The following GRIN2B variants were observed in gnomAD, a reference collection of about 807,000 sequenced individuals.
GRIN2B encodes glutamate receptor ionotropic, NMDA 2B.
GRIN2B carries 5 observed loss-of-function variants against 114.5 expected under a neutral mutation model. The ratio of observed to expected loss-of-function variants is 0.04; its 90% CI spans 0.02 to 0.09. The LOEUF (loss-of-function observed/expected upper bound fraction) is 0.09, where lower values mean the gene tolerates loss of function less well. GRIN2B is among the 10% of genes least tolerant of loss of function. GRIN2B has a pLI of 1.00. For missense variants in GRIN2B, 1,108 were observed against 1,943.5 expected (o/e 0.57, Z 8.08); for synonymous variants, 787 against 745.1 (o/e 1.06, Z -0.92).
intron 5 of GRIN2B, among the ~76,000 whole-genome samples, chr12:13,652,859 C>T (rs1949828448): frequency 6.6e-6 from 1 of 152,112 alleles, no homozygotes; most frequent in Non-Finnish European, 1.5e-5. Flanking sequence ...ACTTCCTTTC[C>T]AACTATCCTT....
rs1159259462 is a variant in GRIN2B, at chr12:13,797,729, T to C, written c.412-43814A>G. Among the ~76,000 whole-genome samples the C allele has an allele frequency of 2.0e-5, 3 of 152,198 alleles. 1 individual carries two copies. The highest frequency in any genetic ancestry group is 2.0e-4 in the Admixed American group (3 of 15,276). ...AGGTGGAGGTAATATTCTTGTTTGA[T>C]GGACTTAAAACTCTATAAACAGACT... is the stretch of plus-strand genomic sequence containing the variant. On this transcript the variant is annotated intron_variant, in intron 3 of 13. Coordinates refer to ENST00000609686, the MANE Select transcript of GRIN2B (RefSeq NM_000834.5).
chr12:13,802,673 T>A (rs1038155917), intron 3 of GRIN2B, among the ~76,000 whole-genome samples: 1 of 152,150 alleles, frequency 6.6e-6, no homozygotes, highest in African/African-American at 2.4e-5. Flanking sequence ...TGAATACAAA[T>A]AAATTTAAAT....
intron 5 of GRIN2B, among the ~76,000 whole-genome samples, chr12:13,628,764 TA>T (rs1949593861): frequency 6.6e-6 from 1 of 152,206 alleles, no homozygotes; most frequent in East Asian, 1.9e-4. Flanking sequence ...ACATATTGCA[TA>T]AGTATAATGA....
intron 10 of GRIN2B, among the ~76,000 whole-genome samples, chr12:13,589,020 A>G (rs1397716501): frequency 2.0e-5 from 3 of 152,312 alleles, no homozygotes; most frequent in Admixed American, 1.3e-4. Flanking sequence ...CATATCTCCA[A>G]CGTCTCACAA....
At chr12:13,865,285 T>C (rs931847180) in intron 3 of GRIN2B, among the ~76,000 whole-genome samples, 9 of 152,172 alleles carry the variant, frequency 5.9e-5, no homozygotes, top group African/African-American at 1.9e-4. Flanking sequence ...CAAAAACCTT[T>C]TCAAAACTAT....
At position 13,798,995 on chromosome 12, in the gene GRIN2B, T is replaced by C. The variant is rs555800541; in HGVS notation, c.412-45080A>G. Among the ~76,000 whole-genome samples, 10 of 152,308 alleles carry C rather than the reference T, an allele frequency of 6.6e-5. No homozygotes were observed. In the South Asian group the frequency reaches 2.1e-3, roughly 32 times the overall value. ...TTGAATGAATTAATTAATGTTAGTGTTTGACATTTGTTAAATCCAAGAAAA... is the reference window on the plus strand; with the variant it reads ...TTGAATGAATTAATTAATGTTAGTGCTTGACATTTGTTAAATCCAAGAAAA... On this transcript the variant is annotated intron_variant, in intron 3 of 13. Transcript: ENST00000609686.
intron 4 of GRIN2B, among the ~76,000 whole-genome samples, chr12:13,686,285 G>C (rs1950173847): frequency 6.6e-6 from 1 of 152,106 alleles, no homozygotes; most frequent in South Asian, 2.1e-4. Flanking sequence ...AGAATTTCAA[G>C]CAAGATGAGG....
intron 3 of GRIN2B, among the ~76,000 whole-genome samples, chr12:13,822,683 C>A (rs956829336): frequency 1.3e-5 from 2 of 152,050 alleles, no homozygotes; most frequent in Non-Finnish European, 2.9e-5. Flanking sequence ...TCAGGACAAA[C>A]AAGAAACTTT....
Position 13,566,989 on chromosome 12 carries a change from C to T in GRIN2B, c.2598+36G>A, listed in dbSNP as rs533249958. ...TGCACAGTGCTAGGCTAAGCTGTCC[C>T]TAACAAGCTTTAGGCATTTAAATCA... On this transcript the variant is annotated intron_variant, in intron 13 of 13. Coordinates refer to ENST00000609686, the MANE Select transcript of GRIN2B (RefSeq NM_000834.5). 2.5e-5 allele frequency: 35 copies of T among 1,425,310 alleles called. No individual in the cohort carries two copies. In the East Asian group the frequency reaches 7.3e-4, roughly 30 times the overall value. 88.3% of individuals were successfully genotyped at this position (1,425,310 alleles called of 1,614,324 possible).
At chr12:13,723,426 T>C (rs560811895) in intron 4 of GRIN2B, among the ~76,000 whole-genome samples, 332 of 151,620 alleles carry the variant, frequency 2.2e-3, no homozygotes, top group Non-Finnish European at 4.0e-3. Flanking sequence ...ATCAATTTTC[T>C]CTCCTTCCCT....
intron 5 of GRIN2B, among the ~76,000 whole-genome samples, chr12:13,638,568 G>T (rs1416557260): frequency 1.3e-5 from 2 of 152,054 alleles, no homozygotes; most frequent in Non-Finnish European, 2.9e-5. Context: ...TTTCCATCTG[G>T]TACTCAAAAC....
intron 3 of GRIN2B, among the ~76,000 whole-genome samples, chr12:13,760,087 A>T (rs1157882517): frequency 6.6e-6 from 1 of 152,056 alleles, no homozygotes; most frequent in East Asian, 1.9e-4. Context: ...GCCTGTCCTC[A>T]CTTTTCATAG....
chr12:13,708,350 T>A (rs1040507130), intron 4 of GRIN2B, among the ~76,000 whole-genome samples: 1 of 152,064 alleles, frequency 6.6e-6, no homozygotes, highest in Non-Finnish European at 1.5e-5. Context: ...CCTGAGAGAT[T>A]AAGAAAAGTC....
In GRIN2B at chr12:13,563,886, C is replaced by A. The variant is rs2136404881; in HGVS notation, c.3352G>T (p.Asp1118Tyr). ...AYRRRPPRSPDHKRYFRDKEG... is the reference protein window; with the variant it reads ...AYRRRPPRSPYHKRYFRDKEG... ...TTGTCCCTGAAGTAGCGCTTGTGGT[C>A]AGGGGAGCGGGGCGGTCGGCGACGG... The change falls in exon 14 of 14, where the codon GAC becomes TAC. Residue 1118 changes from aspartate (D) to tyrosine (Y), a missense_variant. This residue lies in a region of GRIN2B where 478 missense variants were observed against 506.0 expected (regional missense o/e 0.94). Transcript: ENST00000609686. 1 of 1,614,124 alleles carries A rather than the reference C, an allele frequency of 6.2e-7. No individual in the cohort carries two copies. Among genetic ancestry groups the A allele is most frequent in the Non-Finnish European group, 8.5e-7 (1 of 1,180,032 alleles).
At chr12:13,806,585 A>C (rs746161801) in intron 3 of GRIN2B, among the ~76,000 whole-genome samples, 38 of 152,026 alleles carry the variant, frequency 2.5e-4, no homozygotes, top group Admixed American at 5.2e-4. Context: ...TTTTCTTGCT[A>C]TTGAGTTTCT....
intron 4 of GRIN2B, among the ~76,000 whole-genome samples, chr12:13,677,738 C>T (rs936144743): frequency 1.3e-5 from 2 of 152,004 alleles, no homozygotes; most frequent in Admixed American, 6.6e-5. Context: ...TTACTTAAAG[C>T]TGAAACCTCC....
intron 3 of GRIN2B, among the ~76,000 whole-genome samples, chr12:13,762,513 C>T (rs187092439): frequency 2.0e-5 from 3 of 152,350 alleles, no homozygotes; most frequent in Non-Finnish European, 2.9e-5. Flanking sequence ...AATAAATTAA[C>T]ATTCCCATCT....
At position 13,547,981 on chromosome 12, in the gene GRIN2B, A is replaced by ATATTTTTTTTTTTTTTT; in HGVS notation, c.*14801_*14802insAAAAAAAAAAAAAAATA. 4 of 68,578 alleles carry ATATTTTTTTTTTTTTTT rather than the reference A, an allele frequency of 5.8e-5. No individual in the cohort carries two copies. Among genetic ancestry groups the ATATTTTTTTTTTTTTTT allele is most frequent in the African/African-American group, 9.2e-5 (2 of 21,750 alleles). 4.2% of individuals were successfully genotyped at this position (68,578 alleles called of 1,614,324 possible). The stretch of plus-strand genomic sequence containing the variant: ...TGTGTATATATATATATATATATAT[A>ATATTTTTTTTTTTTTTT]TTTTTTTTTTTTTTCTGAAAGCTAC... On this transcript the variant is annotated 3_prime_UTR_variant, in exon 14 of 14. Coordinates refer to ENST00000609686, the MANE Select transcript of GRIN2B (RefSeq NM_000834.5).
At chr12:13,793,164 TG>T (rs753061879) in intron 3 of GRIN2B, among the ~76,000 whole-genome samples, 5 of 152,092 alleles carry the variant, frequency 3.3e-5, no homozygotes, top group Admixed American at 1.3e-4. Context: ...CCCAGCACTT[TG>T]GGAGGCCGAG....
Sources: allele counts gnomAD v4.1 joint callset (sites outside exome capture counted in the v4.1 genomes callset), GRCh38; gene constraint gnomAD v4.1.1; regional missense constraint gnomAD v4.1.1; transcripts MANE v1.5; gene names NCBI Gene and HGNC (gene_info 2026-07-23, HGNC 2026-07-21).